PRORP: variants seen among roughly 807,000 people sequenced by gnomAD.
The protein encoded by PRORP is mitochondrial ribonuclease P catalytic subunit.
A neutral mutation model predicts 59.4 loss-of-function variants in PRORP; 51 were observed. That is an observed-to-expected ratio of 0.86 (90% confidence interval 0.69 to 1.08). The LOEUF is 1.08. PRORP is among the 50% of genes least tolerant of loss of function. The probability of loss-of-function intolerance (pLI) is 0.00; values close to 1 mark genes in which losing one functional copy is unlikely to be tolerated. For missense variants in PRORP, 646 were observed against 690.3 expected (o/e 0.94, Z 0.72); for synonymous variants, 231 against 245.6 (o/e 0.94, Z 0.55).
intron 5 of PRORP, among the ~76,000 whole-genome samples, chr14:35,264,804 C>T (rs1263706859): frequency 2.0e-5 from 3 of 152,028 alleles, no homozygotes; most frequent in Non-Finnish European, 4.4e-5. Context: ...ATGGTGAAAC[C>T]CCGTCTCTGC....
chr14:35,135,405 C>T (rs1437877550), intron 4 of PRORP, among the ~76,000 whole-genome samples: 1 of 152,062 alleles, frequency 6.6e-6, no homozygotes, highest in African/African-American at 2.4e-5. Context: ...TACTTTTGTC[C>T]TGCAGAGTTG....
chr14:35,234,676 C>CTTTTT (rs398056986), intron 5 of PRORP, among the ~76,000 whole-genome samples: 2 of 130,126 alleles, frequency 1.5e-5, no homozygotes, highest in African/African-American at 5.8e-5. Context: ...ACTGTTGTTC[C>CTTTTT]TTTTTTTTTT....
intron 4 of PRORP, among the ~76,000 whole-genome samples, chr14:35,172,052 A>AT (rs149889091): frequency 0.14 from 19,475 of 140,570 alleles, 1,551 homozygotes; most frequent in Middle Eastern, 0.19. Context: ...TTTACTTCTA[A>AT]TTTTTTTTTT....
intron 1 of PRORP, 93 bp downstream of exon 1, chr14:35,122,728 C>G (rs779838160): frequency 6.4e-6 from 1 of 156,638 alleles, no homozygotes; most frequent in Non-Finnish European, 1.4e-5. Context: ...CCTCGTCCCC[C>G]CACCGGAGGA....
chr14:35,260,651 TAGC>T (rs373082191), intron 5 of PRORP, among the ~76,000 whole-genome samples: 26 of 152,338 alleles, frequency 1.7e-4, no homozygotes, highest in Middle Eastern at 3.4e-3. Flanking sequence ...CTAGATTGCA[TAGC>T]AACAGTCATG....
At chr14:35,197,797 A>G (rs1400031957) in intron 5 of PRORP, among the ~76,000 whole-genome samples, 1 of 152,228 alleles carries the variant, frequency 6.6e-6, no homozygotes, top group African/African-American at 2.4e-5. Flanking sequence ...AATAAAATAA[A>G]TTTAAAATAA....
chr14:35,261,716 G>A (rs199812355), intron 5 of PRORP, among the ~76,000 whole-genome samples: 3 of 151,904 alleles, frequency 2.0e-5, no homozygotes, highest in Middle Eastern at 3.4e-3. Context: ...GTAACAGAGC[G>A]AGACTCTGTC....
intron 5 of PRORP, among the ~76,000 whole-genome samples, chr14:35,197,503 C>G (rs1390421426): frequency 6.6e-6 from 1 of 151,886 alleles, no homozygotes; most frequent in African/African-American, 2.4e-5. Flanking sequence ...GCATTTTTTT[C>G]CTTTTAAAAT....
At chr14:35,178,003 C>T (rs1485657711) in intron 4 of PRORP, among the ~76,000 whole-genome samples, 1 of 152,100 alleles carries the variant, frequency 6.6e-6, no homozygotes, top group East Asian at 1.9e-4. Context: ...TCATTATGTA[C>T]CCAGTATTCA....
chr14:35,225,708 G>A (rs2049916862), intron 5 of PRORP, among the ~76,000 whole-genome samples: 1 of 151,814 alleles, frequency 6.6e-6, no homozygotes, highest in Non-Finnish European at 1.5e-5. Context: ...CATCTCCCTG[G>A]CAACTGTACA....
chr14:35,189,550 C>G (rs1385415730), intron 5 of PRORP, among the ~76,000 whole-genome samples: 1 of 150,988 alleles, frequency 6.6e-6, no homozygotes, highest in Non-Finnish European at 1.5e-5. Flanking sequence ...TAGGTTGATT[C>G]AATTACTGTT....
rs1009353044 is a variant in PRORP at position 35,123,040 on chromosome 14, T to G, written c.-206T>G. 1 of 576,582 alleles carries G rather than the reference T, an allele frequency of 1.7e-6. No homozygotes were observed. The highest frequency in any genetic ancestry group is 3.0e-6 in the Non-Finnish European group (1 of 328,770). The allele number at this position is 576,582 out of a possible 1,614,324, so 35.7% of individuals were successfully genotyped here. A position where few individuals can be genotyped will look rare whatever the true frequency, so the allele number is the denominator to read the frequency against. On this transcript the variant is annotated 5_prime_UTR_variant, in exon 2 of 8. Coordinates refer to ENST00000534898, the MANE Select transcript of PRORP (RefSeq NM_014672.4). ...GCGACGTTGGACATCCCCGGATTGT[T>G]GTTTAATAGAGAAAACTCACCTGCC... is the stretch of plus-strand genomic sequence containing the variant.
At chr14:35,250,462 A>T (rs2050587802) in intron 5 of PRORP, among the ~76,000 whole-genome samples, 1 of 152,198 alleles carries the variant, frequency 6.6e-6, no homozygotes. Context: ...AGCTGTTTAC[A>T]TTGATTCATT....
At position 35,233,499 on chromosome 14, in the gene PRORP, C is replaced by T. The variant is rs141328778; in HGVS notation, c.1276-33228C>T. ...GCTTCCACATTCTAACAATTGCCAA[C>T]GTGCAATCCCTTCGTTTAAGAAAAG... On this transcript the variant is annotated intron_variant, in intron 5 of 7. Coordinates refer to ENST00000534898, the MANE Select transcript of PRORP (RefSeq NM_014672.4). 9.8e-4 allele frequency among the ~76,000 whole-genome samples: 147 copies of T among 149,668 alleles called. 8 individuals are homozygous for T. Among genetic ancestry groups the T allele is most frequent in the Admixed American group, 2.8e-3 (40 of 14,370 alleles).
At chr14:35,157,246 C>T (rs746195360) in intron 4 of PRORP, among the ~76,000 whole-genome samples, 3 of 151,942 alleles carry the variant, frequency 2.0e-5, no homozygotes, top group Non-Finnish European at 4.4e-5. Context: ...TGAGCCACCG[C>T]GCCCGGACGT....
At chr14:35,261,140 T>G (rs1316468602) in intron 5 of PRORP, among the ~76,000 whole-genome samples, 2 of 152,194 alleles carry the variant, frequency 1.3e-5, no homozygotes, top group African/African-American at 2.4e-5. Context: ...CTGCACACAT[T>G]GGCATTTCTA....
At chr14:35,163,697 C>A (rs2048116406) in intron 4 of PRORP, among the ~76,000 whole-genome samples, 1 of 152,072 alleles carries the variant, frequency 6.6e-6, no homozygotes, top group African/African-American at 2.4e-5. Flanking sequence ...ATATTTTCTC[C>A]TATTCCGTAA....
chr14:35,201,975 T>TA (rs1035714424), intron 5 of PRORP, among the ~76,000 whole-genome samples: 1 of 105,222 alleles, frequency 9.5e-6, no homozygotes, highest in Admixed American at 9.8e-5. Flanking sequence ...TATTATTATT[T>TA]TTTTTTTTTT....
chr14:35,175,263 T>C (rs1177623438), intron 4 of PRORP, among the ~76,000 whole-genome samples: 1 of 152,142 alleles, frequency 6.6e-6, no homozygotes, highest in Non-Finnish European at 1.5e-5. Flanking sequence ...TAACCAGTAA[T>C]GGGATGGCTG....
Sources: gnomAD v4.1 joint callset for allele counts (sites outside exome capture counted in the v4.1 genomes callset) on GRCh38, gnomAD v4.1.1 for gene constraint, MANE v1.5 for transcripts, NCBI Gene and HGNC (gene_info 2026-07-23, HGNC 2026-07-21) for gene names.